The following CRB3 variants were observed in gnomAD, a reference collection of about 807,000 sequenced individuals.
CRB3 encodes the protein crumbs cell polarity complex component 3, also known as protein crumbs homolog 3.
CRB3 carries 4 observed loss-of-function variants against 10.4 expected under a neutral mutation model. The ratio of observed to expected loss-of-function variants is 0.39; its 90% CI spans 0.19 to 0.88. The LOEUF is 0.88. Among genes scored for constraint, CRB3 ranks in the 40% least tolerant of loss-of-function variants. CRB3 has a pLI of 0.39. For missense variants in CRB3, 154 were observed against 160.2 expected, an observed-to-expected ratio of 0.96 and a Z score of 0.21; for synonymous variants, 74 against 73.4, an observed-to-expected ratio of 1.01 and a Z score of -0.04.
Position 6,465,558 on chromosome 19 carries a change from T to C in CRB3, c.96T>C (p.Ser32=), listed in dbSNP as rs1283390394. 2.5e-6 allele frequency: 4 copies of C among 1,613,892 alleles called. No homozygotes were observed. The highest frequency in any genetic ancestry group is 1.3e-5 in the African/African-American group (1 of 74,896). Residue 32 remains serine (S), a synonymous_variant, in exon 3 of 4, where the codon TCT becomes TCC. Transcript: ENST00000600229. ...CACCCTCCACAGTACAGACCACTTC[T>C]GCAAATGAGAATAGCACTGTTTTGC... ...GRAWGQIQTT[S]ANENSTVLPS...
rs374276636 is a variant in CRB3 at position 6,466,965 on chromosome 19, C to A, written c.*293C>A. The A allele has an allele frequency of 6.2e-7, 1 of 1,613,984 alleles. No homozygotes were observed. The highest frequency in any genetic ancestry group is 8.5e-7 in the Non-Finnish European group (1 of 1,179,952). On this transcript the variant is annotated 3_prime_UTR_variant, in exon 4 of 4. Transcript: ENST00000600229. This position sits in a 1 kb window ranked among gnomAD's most constrained non-coding sequence, Gnocchi z 4.9. ...CTTTCTTTCAGTTCTCCCATGCAGC[C>A]GAGGCCCGGGCCCCTCAGGACTCCA...
At chr19:6,465,309 C>G (rs914851572) in intron 2 of CRB3, 2 of 554,446 alleles carry the variant, frequency 3.6e-6, no homozygotes, top group Middle Eastern at 4.9e-4. Context: ...GGGTGGACTT[C>G]TGGACACCCT....
chr19:6,466,350 T>G lies in CRB3; in HGVS notation c.157-116T>G. ...GGATCAGATCACCAAAAGTGGCAGA[T>G]GTGTGTATGTGTGTGTGTGTGTTGT... On this transcript the variant is annotated intron_variant, in intron 3 of 3. Coordinates refer to ENST00000600229, the MANE Select transcript of CRB3 (RefSeq NM_139161.5). This position sits in a 1 kb window ranked among gnomAD's most constrained non-coding sequence, Gnocchi z 4.9. The G allele has an allele frequency of 8.4e-6, 7 of 837,000 alleles. No individual in the cohort carries two copies. The highest frequency in any genetic ancestry group is 1.4e-5 in the Non-Finnish European group (7 of 509,556). The allele number at this position is 837,000 out of a possible 1,614,324, so 51.8% of individuals were successfully genotyped here. A position where few individuals can be genotyped will look rare whatever the true frequency, so the allele number is the denominator to read the frequency against.
In CRB3 at chr19:6,464,658, G is replaced by T; in HGVS notation, c.-44G>T. The T allele has an allele frequency of 8.6e-7, 1 of 1,161,950 alleles. No homozygotes were observed. The highest frequency in any genetic ancestry group is 1.1e-6 in the Non-Finnish European group (1 of 924,144). 72.0% of individuals were successfully genotyped at this position (1,161,950 alleles called of 1,614,324 possible). On this transcript the variant is annotated 5_prime_UTR_variant, in exon 2 of 4. Transcript: ENST00000600229. This position sits in a 1 kb window ranked among gnomAD's most constrained non-coding sequence, Gnocchi z 5.3. ...CGGAGATGCGGTAGGAGGGGCGAGCGCGAGAAGCCCCTTCCTCGGCGCTGC... is the reference window on the plus strand; with the variant it reads ...CGGAGATGCGGTAGGAGGGGCGAGCTCGAGAAGCCCCTTCCTCGGCGCTGC...
At position 6,464,454 on chromosome 19, in the gene CRB3, C is replaced by G; in HGVS notation, c.-95+104C>G. On this transcript the variant is annotated intron_variant, in intron 1 of 3. Transcript: ENST00000600229. The surrounding 1 kb of genome is among the most constrained non-coding windows in gnomAD (Gnocchi z 5.3). The stretch of plus-strand genomic sequence containing the variant: ...CCTTCCTTTCCCCAGCCCAGGAACG[C>G]GCTCCTGGGAGTTAATCTTTAATCG... The G allele has an allele frequency of 2.7e-6, 1 of 371,954 alleles. No homozygotes were observed. Among genetic ancestry groups the G allele is most frequent in the Non-Finnish European group, 4.8e-6 (1 of 209,378 alleles). The allele number at this position is 371,954 out of a possible 1,614,324, so 23.0% of individuals were successfully genotyped here.
chr19:6,467,205 AGT>A lies in CRB3; in HGVS notation c.*535_*536del, dbSNP rs2092799974. On this transcript the variant is annotated 3_prime_UTR_variant, in exon 4 of 4. Transcript: ENST00000600229. ...TTTTATATATTTATATAAAATTAGTAGTGAGATGTAACAAAAGCTTTATTGGT... is the reference window on the plus strand; with the variant it reads ...TTTTATATATTTATATAAAATTAGTAGAGATGTAACAAAAGCTTTATTGGT... 6 of 530,042 alleles carry A rather than the reference AGT, an allele frequency of 1.1e-5. No individual in the cohort carries two copies. The East Asian group carries it at 1.9e-4, about 17-fold the overall frequency. 32.8% of individuals were successfully genotyped at this position (530,042 alleles called of 1,614,324 possible).
In CRB3 at chr19:6,466,339, A is replaced by G. The variant is rs557419842; in HGVS notation, c.157-127A>G. Reference sequence around the variant, plus strand: ...CCCCACTGTGGGGATCAGATCACCAAAAGTGGCAGATGTGTGTATGTGTGT... The same window carrying G: ...CCCCACTGTGGGGATCAGATCACCAGAAGTGGCAGATGTGTGTATGTGTGT... On this transcript the variant is annotated intron_variant, in intron 3 of 3. Transcript: ENST00000600229. The surrounding 1 kb of genome is among the most constrained non-coding windows in gnomAD (Gnocchi z 4.9). 2 of 828,178 alleles carry G rather than the reference A, an allele frequency of 2.4e-6. No individual in the cohort carries two copies. The highest frequency in any genetic ancestry group is 3.1e-5 in the South Asian group (2 of 64,990). The allele number at this position is 828,178 out of a possible 1,614,324, so 51.3% of individuals were successfully genotyped here.
At chr19:6,465,927 G>A (rs1364586831) in intron 3 of CRB3, among the ~76,000 whole-genome samples, 5 of 152,096 alleles carry the variant, frequency 3.3e-5, no homozygotes, top group Admixed American at 6.6e-5. Flanking sequence ...CCGGCCGGGC[G>A]CGGTGGCTCA....
In CRB3 at chr19:6,466,654, G is replaced by T; in HGVS notation, c.345G>T (p.Pro115=). 5.0e-6 allele frequency: 8 copies of T among 1,601,148 alleles called. No individual in the cohort carries two copies. The highest frequency in any genetic ancestry group is 6.8e-6 in the Non-Finnish European group (8 of 1,179,726). ...CGACCCCCAACCTCAAGTTGCCGCC[G>T]GAAGAGCGGCTCATCTGAACGCTGG... The part of the protein sequence containing the change: ...VPPTPNLKLP[P]EERLI The change falls in exon 4 of 4, where the codon CCG becomes CCT. Residue 115 remains proline, a synonymous_variant. Transcript: ENST00000600229. The surrounding 1 kb of genome is among the most constrained non-coding windows in gnomAD (Gnocchi z 4.9).
chr19:6,465,582 G>A lies in CRB3; in HGVS notation c.120G>A (p.Leu40=). ...TTSANENSTV[L]PSSTSSSSDG... is the part of the protein sequence containing the mutation. ...CTGCAAATGAGAATAGCACTGTTTTGCCTTCATCCACCAGCTCCAGCTCCG... is the reference window on the plus strand; with the variant it reads ...CTGCAAATGAGAATAGCACTGTTTTACCTTCATCCACCAGCTCCAGCTCCG... The change falls in exon 3 of 4, where the codon TTG becomes TTA. Residue 40 remains leucine (L), a synonymous_variant. Transcript: ENST00000600229. The A allele has an allele frequency of 6.2e-7, 1 of 1,614,084 alleles. No individual in the cohort carries two copies. Among genetic ancestry groups the A allele is most frequent in the Non-Finnish European group, 8.5e-7 (1 of 1,179,976 alleles).
Position 6,464,735 on chromosome 19 carries a change from C to T in CRB3, c.34C>T (p.Leu12=). The T allele has an allele frequency of 8.0e-7, 1 of 1,251,862 alleles. No individual in the cohort carries two copies. The highest frequency in any genetic ancestry group is 1.5e-5 in the African/African-American group (1 of 65,456). The allele number at this position is 1,251,862 out of a possible 1,614,324, so 77.5% of individuals were successfully genotyped here. A position where few individuals can be genotyped will look rare whatever the true frequency, so the allele number is the denominator to read the frequency against. Residue 12 remains leucine (L), a synonymous_variant, in exon 2 of 4, where the codon CTG becomes TTG. Coordinates refer to ENST00000600229, the MANE Select transcript of CRB3 (RefSeq NM_139161.5). The surrounding 1 kb of genome is among the most constrained non-coding windows in gnomAD (Gnocchi z 5.3). ...CCCCGGGCTGGGGCTGCTTCTGGCG[C>T]TGGGCCTGCCGTTCCTGCTGGCCCG... ...ANPGLGLLLA[L]GLPFLLARWG... is the part of the protein sequence containing the mutation.
In CRB3 at chr19:6,466,490, A is replaced by G; in HGVS notation, c.181A>G (p.Ile61Val). Residue 61 changes from isoleucine to valine, a missense_variant, in exon 4 of 4, where the codon ATC (isoleucine) becomes GTC (valine). Transcript: ENST00000600229. The surrounding 1 kb of genome is among the most constrained non-coding windows in gnomAD (Gnocchi z 4.9). Reference protein sequence around the residue: ...NLRPEAITAIIVVFSLLAALL... With the variant: ...NLRPEAITAIVVVFSLLAALL... ...GCGTCCAGAAGCCATCACTGCTATC[A>G]TCGTGGTCTTCTCCCTCTTGGCTGC... 2 of 1,613,832 alleles carry G rather than the reference A, an allele frequency of 1.2e-6. No individual in the cohort carries two copies. The highest frequency in any genetic ancestry group is 1.3e-5 in the African/African-American group (1 of 75,012).
rs1304746503 is a variant in CRB3, at chr19:6,466,208, A to T, written c.157-258A>T. ...AGAGCAAGACTCGGTCTCAAAAAAA[A>T]AAGCCGGAGTCCCAGACATGGCAGG... On this transcript the variant is annotated intron_variant, in intron 3 of 3. Transcript: ENST00000600229. The surrounding 1 kb of genome is among the most constrained non-coding windows in gnomAD (Gnocchi z 4.9). 6.6e-6 allele frequency among the ~76,000 whole-genome samples: 1 copy of T among 151,994 alleles called. No homozygotes were observed. The highest frequency in any genetic ancestry group is 2.4e-5 in the African/African-American group (1 of 41,398).
chr19:6,464,827 C>T lies in CRB3; in HGVS notation c.82+44C>T. 8.8e-7 allele frequency: 1 copy of T among 1,141,198 alleles called. No homozygotes were observed. The allele number at this position is 1,141,198 out of a possible 1,614,324, so 70.7% of individuals were successfully genotyped here. A position where few individuals can be genotyped will look rare whatever the true frequency, so the allele number is the denominator to read the frequency against. ...CGCTGGGGGGGAGGGGTCTGGATTC[C>T]TGGATCTCTGCTGGGGACGTGGCTT... On this transcript the variant is annotated intron_variant, in intron 2 of 3. Transcript: ENST00000600229. This position sits in a 1 kb window ranked among gnomAD's most constrained non-coding sequence, Gnocchi z 5.3.
chr19:6,464,027 A>G (rs938073262), upstream of CRB3: 2 of 152,254 alleles, frequency 1.3e-5, no homozygotes, highest in Non-Finnish European at 2.9e-5. The surrounding 1 kb of genome is among the most constrained non-coding windows in gnomAD (Gnocchi z 5.3). Flanking sequence ...GCGCTCCCAC[A>G]GATATGCTCG....
rs756168138 is a variant in CRB3, at chr19:6,466,973, G to A, written c.*301G>A. The A allele has an allele frequency of 3.5e-5, 57 of 1,613,800 alleles. No homozygotes were observed. The highest frequency in any genetic ancestry group is 1.1e-4 in the South Asian group (10 of 91,076). On this transcript the variant is annotated 3_prime_UTR_variant, in exon 4 of 4. Transcript: ENST00000600229. The surrounding 1 kb of genome is among the most constrained non-coding windows in gnomAD (Gnocchi z 4.9). ...CAGTTCTCCCATGCAGCCGAGGCCC[G>A]GGCCCCTCAGGACTCCAAGGAGACG...
Position 6,465,569 on chromosome 19 carries a change from A to G in CRB3, c.107A>G (p.Asn36Ser). 1.2e-6 allele frequency: 2 copies of G among 1,614,084 alleles called. No homozygotes were observed. The highest frequency in any genetic ancestry group is 1.7e-6 in the Non-Finnish European group (2 of 1,179,940). The change falls in exon 3 of 4, where the codon AAT becomes AGT. Residue 36 changes from asparagine to serine, a missense_variant. Transcript: ENST00000600229. ...GTACAGACCACTTCTGCAAATGAGA[A>G]TAGCACTGTTTTGCCTTCATCCACC... Reference protein sequence around the residue: ...GQIQTTSANENSTVLPSSTSS... With the variant: ...GQIQTTSANESSTVLPSSTSS...
In CRB3 at chr19:6,466,670, T is replaced by A; in HGVS notation, c.361T>A (p.Ter121ArgextTer130). The A allele has an allele frequency of 6.3e-7, 1 of 1,599,426 alleles. No homozygotes were observed. The highest frequency in any genetic ancestry group is 1.1e-5 in the South Asian group (1 of 90,932). The part of the protein sequence containing the change: ...LKLPPEERLI[*>R] Reference sequence around the variant, plus strand: ...GTTGCCGCCGGAAGAGCGGCTCATCTGAACGCTGGGGCCTGCTGCAGCCAC... The same window carrying A: ...GTTGCCGCCGGAAGAGCGGCTCATCAGAACGCTGGGGCCTGCTGCAGCCAC... Residue 121 changes from the stop codon to arginine (R), a stop_lost, in exon 4 of 4, where the codon TGA (stop) becomes AGA (arginine). Coordinates refer to ENST00000600229, the MANE Select transcript of CRB3 (RefSeq NM_139161.5). This position sits in a 1 kb window ranked among gnomAD's most constrained non-coding sequence, Gnocchi z 4.9.
chr19:6,464,384 C>T lies in CRB3; in HGVS notation c.-95+34C>T. ...GCAGGACGCACCGCTAGGCCTGCCC[C>T]CTCGCCCGTCCACCCTGCCCGTCCC... On this transcript the variant is annotated intron_variant, in intron 1 of 3. Transcript: ENST00000600229. This position sits in a 1 kb window ranked among gnomAD's most constrained non-coding sequence, Gnocchi z 5.3. The T allele has an allele frequency of 3.7e-6, 1 of 272,676 alleles. No homozygotes were observed. The highest frequency in any genetic ancestry group is 6.8e-6 in the Non-Finnish European group (1 of 146,112). 16.9% of individuals were successfully genotyped at this position (272,676 alleles called of 1,614,324 possible).
Sources: gnomAD v4.1 joint callset for allele counts (sites outside exome capture counted in the v4.1 genomes callset) on GRCh38, gnomAD v4.1.1 for gene constraint, Gnocchi (gnomAD v3.1) non-coding constraint, MANE v1.5 for transcripts, NCBI Gene and HGNC (gene_info 2026-07-23, HGNC 2026-07-21) for gene names.